MCPH1: variants seen among roughly 807,000 people sequenced by gnomAD.
MCPH1 encodes the protein microcephalin 1.
A neutral mutation model predicts 84.5 loss-of-function variants in MCPH1; 104 were observed. The observed-to-expected ratio is 1.23, with a 90% confidence interval of 1.05 to 1.45. The LOEUF is 1.45. Ranked by LOEUF, MCPH1 falls within the 40% of genes most tolerant of loss-of-function variation. The pLI, the probability that MCPH1 is intolerant of heterozygous loss-of-function variation, is 0.00. For synonymous variants in MCPH1, 514 were observed against 366.8 expected, an observed-to-expected ratio of 1.40 and a Z score of -4.58; for missense variants, 1,498 against 1,005.7, an observed-to-expected ratio of 1.49 and a Z score of -6.62.
intron 13 of MCPH1, among the ~76,000 whole-genome samples, chr8:6,622,634 G>C (rs936760220): frequency 3.3e-5 from 5 of 152,188 alleles, no homozygotes; most frequent in Non-Finnish European, 5.9e-5. Context: ...CTGGAGGCTG[G>C]AAGTCTAAGA....
In MCPH1 at chr8:6,625,600, A is replaced by T. The variant is rs73515110; in HGVS notation, c.2452+3909A>T. The T allele has an allele frequency of 6.8e-3, 6,717 of 985,366 alleles. 282 individuals carry two copies. The African/African-American group carries it at 0.096, about 14-fold the overall frequency. The allele number at this position is 985,366 out of a possible 1,614,324, so 61.0% of individuals were successfully genotyped here. A position where few individuals can be genotyped will look rare whatever the true frequency, so the allele number is the denominator to read the frequency against. On this transcript the variant is annotated intron_variant, in intron 13 of 13. Coordinates refer to ENST00000344683, the MANE Select transcript of MCPH1 (RefSeq NM_024596.5). ...ATCAATTAAATTTATTCAAACTGGAATATCAACTGCTTTGTAAGGTAGGGT... is the reference window on the plus strand; with the variant it reads ...ATCAATTAAATTTATTCAAACTGGATTATCAACTGCTTTGTAAGGTAGGGT...
chr8:6,449,962 T>C (rs1290825248), intron 8 of MCPH1, among the ~76,000 whole-genome samples: 1 of 151,284 alleles, frequency 6.6e-6, no homozygotes, highest in African/African-American at 2.4e-5. Flanking sequence ...ACAGTTGTCC[T>C]ATAGGTGCCG....
In MCPH1 at chr8:6,531,433, T is replaced by A. The variant is rs1469806809; in HGVS notation, c.2214+31504T>A. Among the ~76,000 whole-genome samples, 6 of 152,114 alleles carry A rather than the reference T, an allele frequency of 3.9e-5. No homozygotes were observed. In the South Asian group the frequency reaches 1.2e-3, roughly 32 times the overall value. Reference sequence around the variant, plus strand: ...CCTCCCAAGTAGCTGGGATTGCAGATGCCCGCCACCACACCTGGCTAATTT... The same window carrying A: ...CCTCCCAAGTAGCTGGGATTGCAGAAGCCCGCCACCACACCTGGCTAATTT... On this transcript the variant is annotated intron_variant, in intron 12 of 13. Coordinates refer to ENST00000344683, the MANE Select transcript of MCPH1 (RefSeq NM_024596.5).
intron 13 of MCPH1, among the ~76,000 whole-genome samples, chr8:6,634,687 C>T (rs532319318): frequency 6.6e-6 from 1 of 152,290 alleles, no homozygotes; most frequent in South Asian, 2.1e-4. Flanking sequence ...CTCTTGTGCT[C>T]GCTGCAGAAA....
chr8:6,612,173 G>A (rs775908639), intron 12 of MCPH1, among the ~76,000 whole-genome samples: 74 of 152,278 alleles, frequency 4.9e-4, no homozygotes, highest in East Asian at 3.9e-4. Context: ...CAAGGGTTTA[G>A]GGGCTCACTG....
In MCPH1 at chr8:6,630,805, A is replaced by C. The variant is rs911978444; in HGVS notation, c.2452+9114A>C. Among the ~76,000 whole-genome samples, 35 of 147,362 alleles carry C rather than the reference A, an allele frequency of 2.4e-4. No homozygotes were observed. The East Asian group carries it at 3.5e-3, about 15-fold the overall frequency. ...CTAAAAAAAAAAAACAAAAAAAAAAAACAATTATATATCAACAAAAAAAAG... is the reference window on the plus strand; with the variant it reads ...CTAAAAAAAAAAAACAAAAAAAAAACACAATTATATATCAACAAAAAAAAG... On this transcript the variant is annotated intron_variant, in intron 13 of 13. Coordinates refer to ENST00000344683, the MANE Select transcript of MCPH1 (RefSeq NM_024596.5).
chr8:6,523,580 G>GGTTTTTT (rs111796397), intron 12 of MCPH1, among the ~76,000 whole-genome samples: 11,323 of 151,882 alleles, frequency 0.075, 514 homozygotes, highest in African/African-American at 0.12. Flanking sequence ...TATTTGGCAG[G>GGTTTTTT]GTTTTTTGTT....
intron 3 of MCPH1, among the ~76,000 whole-genome samples, chr8:6,416,275 T>TATGTC (rs58125557): frequency 2.5e-4 from 38 of 151,610 alleles, no homozygotes; most frequent in African/African-American, 8.2e-4. Flanking sequence ...GGCCGCATGT[T>TATGTC]ATGTCATGTC....
At chr8:6,469,477 T>G (rs958307217) in intron 9 of MCPH1, among the ~76,000 whole-genome samples, 1 of 152,164 alleles carries the variant, frequency 6.6e-6, no homozygotes, top group African/African-American at 2.4e-5. Context: ...TTTGTCATAT[T>G]GGATTTTATT....
chr8:6,558,816 A>G (rs1005974894), intron 12 of MCPH1, among the ~76,000 whole-genome samples: 4 of 152,226 alleles, frequency 2.6e-5, no homozygotes, highest in Non-Finnish European at 5.9e-5. Flanking sequence ...AACATATGAT[A>G]TATGTATAAT....
intron 12 of MCPH1, among the ~76,000 whole-genome samples, chr8:6,509,535 G>C (rs943312219): frequency 4.6e-5 from 7 of 152,164 alleles, no homozygotes; most frequent in African/African-American, 7.2e-5. Flanking sequence ...GAAATCTACA[G>C]AACGGTGCTG....
rs974117203 is a variant in MCPH1, at chr8:6,508,678, C to T, written c.2214+8749C>T. ...GAGAGCTTGCTAAGAATCAAATATC[C>T]CCTCTCCTTGCCAGGGCTAGGTCCT... On this transcript the variant is annotated intron_variant, in intron 12 of 13. Coordinates refer to ENST00000344683, the MANE Select transcript of MCPH1 (RefSeq NM_024596.5). The T allele has an allele frequency of 2.9e-5, 17 of 595,748 alleles. No individual in the cohort carries two copies. In the African/African-American group the frequency reaches 3.0e-4, roughly 10 times the overall value. 36.9% of individuals were successfully genotyped at this position (595,748 alleles called of 1,614,324 possible). A position where few individuals can be genotyped will look rare whatever the true frequency, so the allele number is the denominator to read the frequency against.
intron 12 of MCPH1, among the ~76,000 whole-genome samples, chr8:6,511,762 G>A (rs190701102): frequency 1.3e-5 from 2 of 152,124 alleles, no homozygotes; most frequent in South Asian, 4.1e-4. Context: ...TCCAAAAATT[G>A]ATTGCATTTC....
intron 13 of MCPH1, chr8:6,624,916 C>T (rs1485295232): frequency 1.1e-6 from 1 of 935,860 alleles, no homozygotes; most frequent in African/African-American, 1.8e-5. Flanking sequence ...GCTGTGTCAC[C>T]AGGCTGGAGT....
chr8:6,647,134 T>C lies in MCPH1; in HGVS notation c.*4085T>C, dbSNP rs1798252875. On this transcript the variant is annotated 3_prime_UTR_variant, in exon 14 of 14. Coordinates refer to ENST00000344683, the MANE Select transcript of MCPH1 (RefSeq NM_024596.5). ...AGGATAAAGAAAAAGCTGAAGACAA[T>C]TCATGCAAGAAGATATACAAATATT... is the stretch of plus-strand genomic sequence containing the variant. The C allele has an allele frequency of 6.6e-6, 1 of 152,154 alleles. No individual in the cohort carries two copies. Among genetic ancestry groups the C allele is most frequent in the African/African-American group, 2.4e-5 (1 of 41,434 alleles). The allele number at this position is 152,154 out of a possible 1,614,324, so 9.4% of individuals were successfully genotyped here.
In MCPH1 at chr8:6,445,239, C is replaced by T. The variant is rs1210683737; in HGVS notation, c.1517C>T (p.Ala506Val). ...TGCGTGACTTCTGCCCCTGAAGAAG[C>T]CCTAAGGTGTTGTAGACAGGCTGGG... ...SSCVTSAPEE[A>V]LRCCRQAGKE... Residue 506 changes from alanine to valine, a missense_variant, in exon 8 of 14, where the codon GCC (alanine) becomes GTC (valine). By Grantham distance (64) the Ala-to-Val change is moderately conservative. Transcript: ENST00000344683. 3 of 1,614,080 alleles carry T rather than the reference C, an allele frequency of 1.9e-6. No homozygotes were observed. In the African/African-American group the frequency reaches 4.0e-5, roughly 22 times the overall value.
intron 9 of MCPH1, among the ~76,000 whole-genome samples, chr8:6,476,421 C>T (rs1421248841): frequency 7.0e-6 from 1 of 142,590 alleles, no homozygotes; most frequent in African/African-American, 2.6e-5. Flanking sequence ...AAGAGCAAAA[C>T]TCCATCTCAA....
At chr8:6,475,427 C>T (rs929060635) in intron 9 of MCPH1, among the ~76,000 whole-genome samples, 3 of 152,238 alleles carry the variant, frequency 2.0e-5, no homozygotes, top group Non-Finnish European at 4.4e-5. Flanking sequence ...CAGTTTATGA[C>T]TGCCTGACCA....
At chr8:6,630,891 C>T (rs766252309) in intron 13 of MCPH1, among the ~76,000 whole-genome samples, 1 of 151,792 alleles carries the variant, frequency 6.6e-6, no homozygotes, top group Non-Finnish European at 1.5e-5. Flanking sequence ...ATTCCTTTCA[C>T]CAGCCACTAA....
Sources: gnomAD v4.1 joint callset for allele counts (sites outside exome capture counted in the v4.1 genomes callset) on GRCh38, gnomAD v4.1.1 for gene constraint, MANE v1.5 for transcripts, NCBI Gene and HGNC (gene_info 2026-07-23, HGNC 2026-07-21) for gene names.